AKT3: variants seen among roughly 807,000 people sequenced by gnomAD.
AKT3 encodes the protein AKT serine/threonine kinase 3.
AKT3 carries 15 observed loss-of-function variants against 65.3 expected under a neutral mutation model. The observed-to-expected ratio is 0.23, with a 90% confidence interval of 0.15 to 0.35. The LOEUF (loss-of-function observed/expected upper bound fraction) is 0.35. Among genes scored for constraint, AKT3 ranks in the 10% least tolerant of loss-of-function variants. The pLI, the probability that AKT3 is intolerant of heterozygous loss-of-function variation, is 1.00. For synonymous variants in AKT3, 206 were observed against 183.8 expected (o/e 1.12, Z -0.98); for missense variants, 243 against 576.5 (o/e 0.42, Z 5.92).
At chr1:243,658,960 T>G (rs1682044828) in intron 4 of AKT3, among the ~76,000 whole-genome samples, 1 of 151,682 alleles carries the variant, frequency 6.6e-6, no homozygotes, top group Non-Finnish European at 1.5e-5. Context: ...TGGGCCTGAG[T>G]TCCAGGCTGC....
intron 8 of AKT3, among the ~76,000 whole-genome samples, chr1:243,591,916 C>T (rs536069698): frequency 1.3e-5 from 2 of 152,194 alleles, no homozygotes; most frequent in African/African-American, 2.4e-5. Flanking sequence ...AGATGTCTAA[C>T]ATGTAAATAA....
At chr1:243,790,855 A>G (rs1041389195) in intron 2 of AKT3, among the ~76,000 whole-genome samples, 4 of 152,222 alleles carry the variant, frequency 2.6e-5, no homozygotes, top group African/African-American at 9.7e-5. Context: ...TTGCTGGATC[A>G]TTAAGAACAT....
At chr1:243,720,016 A>G (rs897543343) in intron 2 of AKT3, among the ~76,000 whole-genome samples, 1 of 152,204 alleles carries the variant, frequency 6.6e-6, no homozygotes, top group African/African-American at 2.4e-5. Flanking sequence ...AAGCAACTGT[A>G]TATCTAAAAA....
chr1:243,824,384 T>A (rs966576520), intron 2 of AKT3, among the ~76,000 whole-genome samples: 2 of 152,058 alleles, frequency 1.3e-5, no homozygotes, highest in Admixed American at 6.6e-5. Context: ...CAAAACCAAT[T>A]GCAACAAAAG....
chr1:243,775,246 TC>T (rs761285265), intron 2 of AKT3, among the ~76,000 whole-genome samples: 27 of 152,108 alleles, frequency 1.8e-4, no homozygotes, highest in Non-Finnish European at 3.1e-4. Flanking sequence ...AATGGCTCAA[TC>T]TCGGCTCACT....
chr1:243,807,084 CA>C (rs1017669216), intron 2 of AKT3, among the ~76,000 whole-genome samples: 1 of 152,184 alleles, frequency 6.6e-6, no homozygotes, highest in Non-Finnish European at 1.5e-5. Flanking sequence ...GGAAAAGCTA[CA>C]GTCTACAGAT....
chr1:243,850,058 C>CGGT lies in AKT3; in HGVS notation c.-134_-132dup. On this transcript the variant is annotated 5_prime_UTR_variant, in exon 1 of 14. Transcript: ENST00000673466. ...CTGTTACCTGCAACGGCGGCGGCGGCGGTGGCGGCCCCGCAGCTGCTCGGG... is the reference window on the plus strand; with the variant it reads ...CTGTTACCTGCAACGGCGGCGGCGGCGGTGGTGGCGGCCCCGCAGCTGCTCGGG... The CGGT allele has an allele frequency of 1.0e-6, 1 of 959,704 alleles. No homozygotes were observed. Among genetic ancestry groups the CGGT allele is most frequent in the South Asian group, 4.7e-5 (1 of 21,192 alleles). 59.4% of individuals were successfully genotyped at this position (959,704 alleles called of 1,614,324 possible).
rs560126542 is a variant in AKT3, at chr1:243,805,875, T to C, written c.46+37250A>G. ...TTCTCTGAAAAATTATATCTATCAT[T>C]AAAACTGTGTTGTTCTCCAATATAA... On this transcript the variant is annotated intron_variant, in intron 2 of 13. Coordinates refer to ENST00000673466, the MANE Select transcript of AKT3 (RefSeq NM_005465.7). 7.9e-5 allele frequency among the ~76,000 whole-genome samples: 12 copies of C among 152,312 alleles called. No individual in the cohort carries two copies. The South Asian group carries it at 2.3e-3, about 29-fold the overall frequency.
At chr1:243,586,877 A>G (rs2148540677) in intron 8 of AKT3, among the ~76,000 whole-genome samples, 1 of 152,310 alleles carries the variant, frequency 6.6e-6, no homozygotes, top group South Asian at 2.1e-4. Context: ...ATTTAAAATA[A>G]AAGTTGAAAA....
chr1:243,489,958 G>A (rs1052909896), intron 13 of AKT3, among the ~76,000 whole-genome samples: 2 of 152,184 alleles, frequency 1.3e-5, no homozygotes, highest in African/African-American at 2.4e-5. Flanking sequence ...ATTTTGCCCC[G>A]TCAAGCAGTT....
intron 1 of AKT3, among the ~76,000 whole-genome samples, chr1:243,847,551 T>C (rs1695571481): frequency 6.6e-6 from 1 of 152,190 alleles, no homozygotes; most frequent in South Asian, 2.1e-4. Flanking sequence ...AAATTTCCAC[T>C]GAATTTTTAT....
chr1:243,658,826 C>G (rs1682028350), intron 4 of AKT3, among the ~76,000 whole-genome samples: 1 of 139,484 alleles, frequency 7.2e-6, no homozygotes, highest in African/African-American at 2.7e-5. Context: ...CCAGGAGTTC[C>G]AGACAAGCCC....
rs376737098 is a variant in AKT3 at position 243,569,514 on chromosome 1, G to A, written c.819+3412C>T. 4.0e-3 allele frequency among the ~76,000 whole-genome samples: 611 copies of A among 152,234 alleles called. 2 individuals carry two copies. Among genetic ancestry groups the A allele is most frequent in the Non-Finnish European group, 7.1e-3 (481 of 68,012 alleles). Reference sequence around the variant, plus strand: ...CAAGCATGCTTTCCCCACCCAAACTGCATTTATTTGAAGTGAACATTAGGG... The same window carrying A: ...CAAGCATGCTTTCCCCACCCAAACTACATTTATTTGAAGTGAACATTAGGG... On this transcript the variant is annotated intron_variant, in intron 9 of 13. Coordinates refer to ENST00000673466, the MANE Select transcript of AKT3 (RefSeq NM_005465.7).
At chr1:243,652,458 C>T (rs1312265304) in intron 4 of AKT3, among the ~76,000 whole-genome samples, 4 of 151,838 alleles carry the variant, frequency 2.6e-5, no homozygotes, top group Admixed American at 6.6e-5. Context: ...GCACTAAACA[C>T]GCAAAGGAAC....
chr1:243,537,385 TTCTA>T lies in AKT3; in HGVS notation c.1251+8121_1251+8124del, dbSNP rs765526630. 5.3e-5 allele frequency among the ~76,000 whole-genome samples: 8 copies of T among 152,294 alleles called. No homozygotes were observed. The East Asian group carries it at 1.4e-3, about 26-fold the overall frequency. On this transcript the variant is annotated intron_variant, in intron 12 of 13. Transcript: ENST00000673466. ...TGCTATATTTCTAGCCATTAGACAA[TTCTA>T]TCTGAAATTAATTACCAAAAACCAG...
intron 6 of AKT3, among the ~76,000 whole-genome samples, chr1:243,634,977 T>C (rs1001619772): frequency 1.3e-5 from 2 of 151,958 alleles, no homozygotes; most frequent in East Asian, 1.9e-4. Flanking sequence ...CAAAATGCTC[T>C]ATTAAATATA....
chr1:243,547,607 A>G (rs1672763481), intron 11 of AKT3, among the ~76,000 whole-genome samples: 1 of 152,212 alleles, frequency 6.6e-6, no homozygotes, highest in Non-Finnish European at 1.5e-5. Flanking sequence ...TTAGTTGAGG[A>G]GCATACTAAA....
intron 12 of AKT3, among the ~76,000 whole-genome samples, chr1:243,541,692 GA>G (rs1016806161): frequency 3.3e-5 from 5 of 152,200 alleles, no homozygotes; most frequent in Admixed American, 3.3e-4. Flanking sequence ...ACATTATAAT[GA>G]AGGTCTTAGC....
At chr1:243,497,225 C>CAAAG (rs1299473204), downstream of AKT3, among the ~76,000 whole-genome samples, 1 of 150,864 alleles carries the variant, frequency 6.6e-6, no homozygotes, top group Non-Finnish European at 1.5e-5. Context: ...TGTGTGTTAC[C>CAAAG]AAAGAGTCAG....
Sources: gnomAD v4.1 joint callset for allele counts (sites outside exome capture counted in the v4.1 genomes callset) on GRCh38, gnomAD v4.1.1 for gene constraint, MANE v1.5 for transcripts, NCBI Gene and HGNC (gene_info 2026-07-23, HGNC 2026-07-21) for gene names.